CA5B: variants seen among roughly 807,000 people sequenced by gnomAD.
CA5B encodes carbonic anhydrase 5B, mitochondrial.
CA5B carries 15 observed loss-of-function variants against 23.1 expected under a neutral mutation model. That is an observed-to-expected ratio of 0.65 (90% CI 0.43 to 1.00). The LOEUF (loss-of-function observed/expected upper bound fraction) is 1.00, where lower values mean the gene tolerates loss of function less well. Among genes scored for constraint, CA5B ranks in the 50% least tolerant of loss-of-function variants. CA5B has a pLI of 0.00. For synonymous variants in CA5B, 84 were observed against 98.5 expected (o/e 0.85, Z 0.87); for missense variants, 236 against 252.2 (o/e 0.94, Z 0.43).
chrX:15,772,962 A>G (rs1256148929), intron 4 of CA5B, among the ~76,000 whole-genome samples: 1 of 111,468 alleles, frequency 9.0e-6, no homozygotes, highest in East Asian at 2.8e-4. Context: ...TGGCAATAGA[A>G]ATAGAGAAAA....
chrX:15,741,334 C>T (rs1312796089), intron 1 of CA5B, among the ~76,000 whole-genome samples: 1 of 100,350 alleles, frequency 1.0e-5, no homozygotes, highest in Non-Finnish European at 2.0e-5. Context: ...TCCTAAAGTG[C>T]TGGGATTACA....
rs1198744171 is a variant in CA5B, at chrX:15,772,531, T to C, written c.376T>C (p.Leu126=). 1 of 1,207,628 alleles carries C rather than the reference T, an allele frequency of 8.3e-7. No individual in the cohort carries two copies. Among genetic ancestry groups the C allele is most frequent in the Non-Finnish European group, 1.1e-6 (1 of 892,358 alleles). ...KGGPLEHNYR[L]KQFHFHWGAI... is the part of the protein sequence containing the mutation. ...AGGACCCCTGGAACACAACTACCGA[T>C]TGAAGCAGTTCCATTTTCACTGGGG... is the stretch of plus-strand genomic sequence containing the variant. Residue 126 remains leucine (L), a synonymous_variant, in exon 4 of 8, where the codon TTG becomes CTG. Coordinates refer to ENST00000318636, the MANE Select transcript of CA5B (RefSeq NM_007220.4).
chrX:15,748,107 A>G (rs781714732), intron 1 of CA5B, among the ~76,000 whole-genome samples: 1 of 111,784 alleles, frequency 8.9e-6, no homozygotes, highest in East Asian at 2.8e-4. Flanking sequence ...CCCCACCCTA[A>G]TCTTATTTTG....
At chrX:15,745,921 T>C (rs1263882496) in intron 1 of CA5B, among the ~76,000 whole-genome samples, 3 of 110,942 alleles carry the variant, frequency 2.7e-5, no homozygotes, top group African/African-American at 9.8e-5. Flanking sequence ...TTTAACAAAA[T>C]CAATTTGAGT....
At chrX:15,773,166 A>G (rs1931852447) in intron 4 of CA5B, among the ~76,000 whole-genome samples, 1 of 111,409 alleles carries the variant, frequency 9.0e-6, no homozygotes, top group African/African-American at 3.3e-5. Flanking sequence ...AAGGAAATAG[A>G]ATTTCTTCTT....
intron 1 of CA5B, among the ~76,000 whole-genome samples, chrX:15,738,856 C>G (rs949747736): frequency 2.7e-5 from 3 of 111,551 alleles, no homozygotes; most frequent in African/African-American, 9.8e-5. Context: ...ACCCACTATG[C>G]TAGGGGCTGT....
chrX:15,765,937 G>T (rs1274508997), intron 3 of CA5B, among the ~76,000 whole-genome samples: 1 of 109,655 alleles, frequency 9.1e-6, no homozygotes, highest in Admixed American at 9.9e-5. Flanking sequence ...TGGGTGGATT[G>T]CCTGAGCTTA....
rs1455027805 is a variant in CA5B at position 15,786,165 on chromosome X, C to A, written c.*3501C>A. The stretch of plus-strand genomic sequence containing the variant: ...ACAGGTGTGAGCCACTGTGCCTGGC[C>A]TTCCTAGCTGTCTTGTGAAACGATA... On this transcript the variant is annotated 3_prime_UTR_variant, in exon 8 of 8. Transcript: ENST00000318636. 4.4e-5 allele frequency: 5 copies of A among 112,606 alleles called. No homozygotes were observed. The highest frequency in any genetic ancestry group is 9.4e-5 in the Non-Finnish European group (5 of 53,417). 9.3% of individuals were successfully genotyped at this position (112,606 alleles called of 1,213,427 possible).
At chrX:15,738,772 A>C (rs1380171526) in intron 1 of CA5B, among the ~76,000 whole-genome samples, 1 of 110,883 alleles carries the variant, frequency 9.0e-6, no homozygotes, top group Non-Finnish European at 1.9e-5. Flanking sequence ...AAGGGCGACA[A>C]ATCTGAGGTT....
intron 7 of CA5B, among the ~76,000 whole-genome samples, chrX:15,779,452 A>G (rs912461601): frequency 1.2e-4 from 13 of 112,222 alleles, no homozygotes; most frequent in Non-Finnish European, 2.4e-4. Flanking sequence ...CCATGACCCA[A>G]TCAAGTTGAC....
chrX:15,765,180 A>G (rs2147263222), intron 3 of CA5B: 1 of 120,446 alleles, frequency 8.3e-6, no homozygotes, highest in Admixed American at 9.5e-5. Context: ...AACTTAGCAG[A>G]TTACAATACA....
At chrX:15,766,927 C>T (rs1404127951) in intron 3 of CA5B, 1 of 334,458 alleles carries the variant, frequency 3.0e-6, no homozygotes, top group Admixed American at 3.2e-5. Flanking sequence ...GCCCCCTTCT[C>T]AACTGGAAGT....
At chrX:15,775,353 T>C (rs1931901963) in intron 6 of CA5B, 45 bp downstream of exon 6, 2 of 1,162,783 alleles carry the variant, frequency 1.7e-6, no homozygotes, top group Non-Finnish European at 1.1e-6. Context: ...CTTTTATGTT[T>C]CAATCTCAGA....
At chrX:15,779,659 C>G (rs1465291836) in intron 7 of CA5B, among the ~76,000 whole-genome samples, 2 of 111,385 alleles carry the variant, frequency 1.8e-5, no homozygotes, top group Non-Finnish European at 3.8e-5. Flanking sequence ...ATCATTCAGA[C>G]CTTACACAGG....
At chrX:15,749,239 C>G (rs886369340) in intron 1 of CA5B, among the ~76,000 whole-genome samples, 1 of 110,451 alleles carries the variant, frequency 9.1e-6, no homozygotes, top group African/African-American at 3.3e-5. Flanking sequence ...GGAAAGTGTT[C>G]AAAGTTAATA....
Position 15,775,325 on chromosome X carries a change from T to G in CA5B, c.618+17T>G, listed in dbSNP as rs746508220. 1.9e-5 allele frequency: 22 copies of G among 1,185,453 alleles called. No individual in the cohort carries two copies. Among genetic ancestry groups the G allele is most frequent in the Admixed American group, 1.6e-4 (7 of 42,516 alleles). ...AAGCATAAGGTACTATTTGTTTTCC[T>G]TAATTACTTGAAATATACTTTTATG... On this transcript the variant is annotated intron_variant, in intron 6 of 7. Coordinates refer to ENST00000318636, the MANE Select transcript of CA5B (RefSeq NM_007220.4).
intron 2 of CA5B, among the ~76,000 whole-genome samples, chrX:15,751,579 C>T (rs1265320690): frequency 6.5e-5 from 7 of 107,788 alleles, no homozygotes; most frequent in South Asian, 8.1e-4. Context: ...CATCCAAATC[C>T]GGTATACGTA....
At chrX:15,778,620 A>C (rs1213453909) in intron 7 of CA5B, among the ~76,000 whole-genome samples, 1 of 112,082 alleles carries the variant, frequency 8.9e-6, no homozygotes, top group Non-Finnish European at 1.9e-5. Flanking sequence ...TGGGTAATTT[A>C]TGAAGAAAGG....
intron 7 of CA5B, among the ~76,000 whole-genome samples, chrX:15,777,976 C>T (rs779639769): frequency 8.3e-4 from 93 of 111,443 alleles, no homozygotes; most frequent in African/African-American, 2.8e-3. Context: ...CAATAAAAAA[C>T]GACTACAAAA....
Sources: allele counts gnomAD v4.1 joint callset (sites outside exome capture counted in the v4.1 genomes callset), GRCh38; gene constraint gnomAD v4.1.1; transcripts MANE v1.5; gene names NCBI Gene and HGNC (gene_info 2026-07-23, HGNC 2026-07-21).